RYR2: variants seen among roughly 807,000 people sequenced by gnomAD.
RYR2 encodes the protein ryanodine receptor 2, also known as cardiac muscle ryanodine receptor-calcium release channel.
Under a neutral mutation model 601.1 loss-of-function variants are expected in RYR2, and 227 were observed. The ratio of observed to expected loss-of-function variants is 0.38; its 90% CI spans 0.34 to 0.42. RYR2 has a LOEUF of 0.42. Among genes scored for constraint, RYR2 ranks in the 10% least tolerant of loss-of-function variants. The pLI is 1.00. For missense variants in RYR2, 4,646 were observed against 6,156.5 expected, an observed-to-expected ratio of 0.75 and a Z score of 8.21; for synonymous variants, 2,223 against 2,175.1, an observed-to-expected ratio of 1.02 and a Z score of -0.61.
At chr1:237,556,789 TA>T (rs1670933927) in intron 27 of RYR2, among the ~76,000 whole-genome samples, 1 of 146,450 alleles carries the variant, frequency 6.8e-6, no homozygotes, top group African/African-American at 2.6e-5. Context: ...ACAGGGGGTT[TA>T]AATCAGCTTG....
chr1:237,287,391 C>G (rs115465105), intron 2 of RYR2, among the ~76,000 whole-genome samples: 3,337 of 152,216 alleles, frequency 0.022, 59 homozygotes, highest in Non-Finnish European at 0.035. Context: ...TCAATTATTC[C>G]CCAAATATGT....
At chr1:237,709,449 G>T in intron 69 of RYR2, 31 bp from the exon 70 acceptor site, 1 of 1,408,988 alleles carries the variant, frequency 7.1e-7, no homozygotes, top group Non-Finnish European at 1.0e-6. Context: ...AGGAGTAGCT[G>T]AGAAACCACT....
intron 1 of RYR2, among the ~76,000 whole-genome samples, chr1:237,252,581 C>T (rs1357279931): frequency 6.6e-6 from 1 of 152,112 alleles, no homozygotes; most frequent in Non-Finnish European, 1.5e-5. Flanking sequence ...CATTCACAGT[C>T]TTATGTGTTG....
intron 100 of RYR2, among the ~76,000 whole-genome samples, chr1:237,810,009 AAAT>A (rs1385550590): frequency 9.9e-6 from 1 of 100,958 alleles, no homozygotes; most frequent in African/African-American, 3.0e-5. Context: ...TTTTAAATAA[AAAT>A]AAATTCTGAA....
intron 54 of RYR2, among the ~76,000 whole-genome samples, chr1:237,658,718 T>C (rs1361890476): frequency 2.0e-5 from 3 of 152,202 alleles, no homozygotes; most frequent in Admixed American, 2.0e-4. Context: ...TATGTAGTTC[T>C]ATATCAGATA....
chr1:237,455,420 G>T (rs1658688754), intron 15 of RYR2, among the ~76,000 whole-genome samples: 1 of 152,024 alleles, frequency 6.6e-6, no homozygotes, highest in Non-Finnish European at 1.5e-5. Context: ...CCTACTTGAG[G>T]GTGGAGGGTG....
In RYR2 at chr1:237,787,799, G is replaced by T. The variant is rs556075700; in HGVS notation, c.13329-189G>T. 2.0e-5 allele frequency among the ~76,000 whole-genome samples: 3 copies of T among 152,104 alleles called. No individual in the cohort carries two copies. The South Asian group carries it at 6.2e-4, about 32-fold the overall frequency. ...TTCACAGAATTACCCATCTCCAGGG[G>T]ACTGTGATCAACAGAAAATCCTACC... On this transcript the variant is annotated intron_variant, in intron 91 of 104. Coordinates refer to ENST00000366574, the MANE Select transcript of RYR2 (RefSeq NM_001035.3).
chr1:237,131,535 A>G (rs1416084102), intron 1 of RYR2, among the ~76,000 whole-genome samples: 2 of 152,154 alleles, frequency 1.3e-5, no homozygotes, highest in Non-Finnish European at 2.9e-5. Flanking sequence ...TAATAAGTTG[A>G]AGGAGTTCAT....
rs548295321 is a variant in RYR2, at chr1:237,221,820, G to C, written c.49-48677G>C. Among the ~76,000 whole-genome samples, 11 of 152,256 alleles carry C rather than the reference G, an allele frequency of 7.2e-5. No individual in the cohort carries two copies. In the South Asian group the frequency reaches 1.9e-3, roughly 26 times the overall value. ...ACAGATTTCTTTTCCATGTCAGAGGGTCAAGCTGGACCTTTCAGCCTGGCC... is the reference window on the plus strand; with the variant it reads ...ACAGATTTCTTTTCCATGTCAGAGGCTCAAGCTGGACCTTTCAGCCTGGCC... On this transcript the variant is annotated intron_variant, in intron 1 of 104. Transcript: ENST00000366574.
At chr1:237,309,525 G>A (rs1395114352) in intron 2 of RYR2, among the ~76,000 whole-genome samples, 2 of 152,256 alleles carry the variant, frequency 1.3e-5, no homozygotes, top group Non-Finnish European at 2.9e-5. Flanking sequence ...AGACATAAAA[G>A]TTCTCCAATT....
In RYR2 at chr1:237,828,435, A is replaced by C; in HGVS notation, c.14645A>C (p.Glu4882Ala). 1 of 1,563,376 alleles carries C rather than the reference A, an allele frequency of 6.4e-7. No homozygotes were observed. Residue 4882 changes from glutamate (E) to alanine (A), a missense_variant, in exon 102 of 105, where the codon GAA becomes GCA. Physicochemically the swap from Glu to Ala is moderately radical, Grantham distance 107. Around this residue, in one of 17 missense-constraint regions of RYR2, gnomAD observed 55 missense variants for 204.7 expected, o/e 0.27. Transcript: ENST00000366574. ...AGAGACCAACAGGAACAAGTCAAAG[A>C]AGACATGGAGGTAAGCTTCTCCATT... ...ELRDQQEQVK[E>A]DMETKCFICG... is the part of the protein sequence containing the mutation.
intron 44 of RYR2, among the ~76,000 whole-genome samples, chr1:237,637,966 G>T (rs1681049350): frequency 6.6e-6 from 1 of 152,078 alleles, no homozygotes; most frequent in Non-Finnish European, 1.5e-5. Context: ...GCGGGCTGAG[G>T]CTGCTGCTTT....
In RYR2 at chr1:237,482,120, G is replaced by T. The variant is rs1263444557; in HGVS notation, c.1709-9686G>T. Among the ~76,000 whole-genome samples the T allele has an allele frequency of 2.0e-5, 3 of 152,126 alleles. No homozygotes were observed. In the South Asian group the frequency reaches 6.2e-4, roughly 32 times the overall value. On this transcript the variant is annotated intron_variant, in intron 17 of 104. Coordinates refer to ENST00000366574, the MANE Select transcript of RYR2 (RefSeq NM_001035.3). ...ATGTTTTGATACAGGCATGCAATGT[G>T]AAATAAGCACATCATGGAGAATGGG...
At chr1:237,367,548 G>A (rs549286011) in intron 5 of RYR2, among the ~76,000 whole-genome samples, 2 of 151,726 alleles carry the variant, frequency 1.3e-5, no homozygotes, top group Middle Eastern at 3.4e-3. Context: ...TAAAAAGGTT[G>A]TAATAATATT....
intron 33 of RYR2, among the ~76,000 whole-genome samples, chr1:237,594,431 G>T (rs1675573109): frequency 6.6e-6 from 1 of 152,114 alleles, no homozygotes; most frequent in Non-Finnish European, 1.5e-5. Context: ...CATTTTCAAT[G>T]GGAGCCCAGC....
At chr1:237,813,089 C>T (rs1022699439) in intron 100 of RYR2, among the ~76,000 whole-genome samples, 4 of 152,062 alleles carry the variant, frequency 2.6e-5, no homozygotes, top group East Asian at 1.9e-4. Flanking sequence ...CTCTTCCATG[C>T]GCTGCCTTTA....
At chr1:237,670,815 A>G (rs917839696) in intron 58 of RYR2, among the ~76,000 whole-genome samples, 1 of 152,202 alleles carries the variant, frequency 6.6e-6, no homozygotes, top group Non-Finnish European at 1.5e-5. Flanking sequence ...CAAATCCAAA[A>G]GCTTAAATGC....
At chr1:237,244,778 G>C (rs1686617668) in intron 1 of RYR2, among the ~76,000 whole-genome samples, 1 of 148,900 alleles carries the variant, frequency 6.7e-6, no homozygotes, top group South Asian at 2.2e-4. Context: ...TTCTTGGCGC[G>C]AGACAATGAG....
At chr1:237,723,331 T>A in intron 74 of RYR2, 69 bp downstream of exon 74, 1 of 1,222,644 alleles carries the variant, frequency 8.2e-7, no homozygotes, top group Non-Finnish European at 1.2e-6. Flanking sequence ...AGAGAATGTG[T>A]GTTAATTTGT....
Sources: allele counts gnomAD v4.1 joint callset (sites outside exome capture counted in the v4.1 genomes callset), GRCh38; gene constraint gnomAD v4.1.1; regional missense constraint gnomAD v4.1.1; transcripts MANE v1.5; gene names NCBI Gene and HGNC (gene_info 2026-07-23, HGNC 2026-07-21).